The following PLK1 variants were observed in gnomAD, a reference collection of about 807,000 sequenced individuals.
PLK1 encodes polo like kinase 1.
In PLK1, 6 loss-of-function variants were observed where a neutral mutation model predicts 56.7. The observed-to-expected ratio is 0.11, with a 90% CI of 0.06 to 0.21. PLK1 has a LOEUF of 0.21. PLK1 is among the 10% of genes least tolerant of loss of function. PLK1 has a pLI of 1.00. For synonymous variants in PLK1, 298 were observed against 325.0 expected (o/e 0.92, Z 0.89); for missense variants, 546 against 814.4 (o/e 0.67, Z 4.01).
At position 23,690,141 on chromosome 16, in the gene PLK1, T is replaced by C. The variant is rs530916260; in HGVS notation, c.*78T>C. 2 of 1,117,322 alleles carry C rather than the reference T, an allele frequency of 1.8e-6. No individual in the cohort carries two copies. Among genetic ancestry groups the C allele is most frequent in the South Asian group, 2.6e-5 (2 of 77,772 alleles). The allele number at this position is 1,117,322 out of a possible 1,614,324, so 69.2% of individuals were successfully genotyped here. On this transcript the variant is annotated 3_prime_UTR_variant, in exon 10 of 10. Coordinates refer to ENST00000300093, the MANE Select transcript of PLK1 (RefSeq NM_005030.6). ...GGCCCATACTGGTTGGCTCCCGCGG[T>C]GCCATGTCTGCAGTGTGCCCCCCAG...
At chr16:23,683,431 A>G (rs1459418512) in intron 4 of PLK1, among the ~76,000 whole-genome samples, 3 of 152,202 alleles carry the variant, frequency 2.0e-5, no homozygotes, top group African/African-American at 7.2e-5. Flanking sequence ...GGACAGACAT[A>G]GTAAATCCAT....
rs773160919 is a variant in PLK1, at chr16:23,683,829, C to A, written c.817-41C>A. The stretch of plus-strand genomic sequence containing the variant: ...TGAGGCCGTACTGTACTCCAGGTCC[C>A]CTTCACATTCTGCTTATGGCTGTCC... On this transcript the variant is annotated intron_variant, in intron 4 of 9. Coordinates refer to ENST00000300093, the MANE Select transcript of PLK1 (RefSeq NM_005030.6). 19 of 1,491,678 alleles carry A rather than the reference C, an allele frequency of 1.3e-5. No homozygotes were observed. In the East Asian group the frequency reaches 2.3e-4, roughly 18 times the overall value. 92.4% of individuals were successfully genotyped at this position (1,491,678 alleles called of 1,614,324 possible).
chr16:23,683,703 C>G (rs770430163), intron 4 of PLK1, among the ~76,000 whole-genome samples, 167 bp from the exon 5 acceptor site: 16 of 152,156 alleles, frequency 1.1e-4, no homozygotes, highest in South Asian at 8.3e-4. Flanking sequence ...CTCAGTAAAG[C>G]TGACAGTGGA....
At chr16:23,687,752 C>A in intron 6 of PLK1, 128 bp downstream of exon 6, 1 of 590,380 alleles carries the variant, frequency 1.7e-6, no homozygotes. Flanking sequence ...TTGGTTTCCC[C>A]ATTTCCTGAT....
Position 23,679,438 on chromosome 16 carries a change from G to A in PLK1, c.408+98G>A, listed in dbSNP as rs778474349. On this transcript the variant is annotated intron_variant, in intron 1 of 9. Coordinates refer to ENST00000300093, the MANE Select transcript of PLK1 (RefSeq NM_005030.6). ...AGAGTACCCAGCAAGGGAGAGCCTG[G>A]GACTTGGAGCTGCTAGAGAAGGGTG... The A allele has an allele frequency of 8.4e-6, 10 of 1,191,472 alleles. No homozygotes were observed. In the Middle Eastern group the frequency reaches 6.4e-4, roughly 76 times the overall value. 73.8% of individuals were successfully genotyped at this position (1,191,472 alleles called of 1,614,324 possible).
intron 1 of PLK1, chr16:23,679,760 A>G: frequency 3.4e-6 from 1 of 294,776 alleles, no homozygotes; most frequent in Non-Finnish European, 6.4e-6. Context: ...GGGAGATACG[A>G]GTCAGGAAAG....
chr16:23,688,606 T>G lies in PLK1; in HGVS notation c.1193-62T>G. The G allele has an allele frequency of 2.3e-6, 3 of 1,282,884 alleles. No individual in the cohort carries two copies. In the East Asian group the frequency reaches 6.9e-5, roughly 30 times the overall value. 79.5% of individuals were successfully genotyped at this position (1,282,884 alleles called of 1,614,324 possible). Reference sequence around the variant, plus strand: ...CCTGTTCCCTGGTGTGGGCCACATGTGTGGAGCAGAGGGGAAGAGGCTGGT... The same window carrying G: ...CCTGTTCCCTGGTGTGGGCCACATGGGTGGAGCAGAGGGGAAGAGGCTGGT... On this transcript the variant is annotated intron_variant, in intron 6 of 9. Transcript: ENST00000300093.
chr16:23,679,495 T>C, intron 1 of PLK1, 155 bp downstream of exon 1: 1 of 671,656 alleles, frequency 1.5e-6, no homozygotes, highest in East Asian at 2.8e-5. Context: ...ATGGAAAGTG[T>C]CTTTGGTAAG....
At position 23,690,081 on chromosome 16, in the gene PLK1, G is replaced by A. The variant is rs371615853; in HGVS notation, c.*18G>A. ...CCTCCTAATAGCTGCCCTCCCCTCC[G>A]GACTGGTGCCCTCCTCACTCCCACC... On this transcript the variant is annotated 3_prime_UTR_variant, in exon 10 of 10. Coordinates refer to ENST00000300093, the MANE Select transcript of PLK1 (RefSeq NM_005030.6). 1.8e-4 allele frequency: 284 copies of A among 1,588,524 alleles called. 1 individual carries two copies. Among genetic ancestry groups the A allele is most frequent in the Non-Finnish European group, 2.4e-4 (281 of 1,166,284 alleles).
Position 23,689,929 on chromosome 16 carries a change from C to A in PLK1, c.1678C>A (p.Arg560Ser). 1 of 1,614,072 alleles carries A rather than the reference C, an allele frequency of 6.2e-7. No individual in the cohort carries two copies. The highest frequency in any genetic ancestry group is 2.2e-5 in the East Asian group (1 of 44,888). Residue 560 changes from arginine to serine, a missense_variant, in exon 10 of 10, where the codon CGC becomes AGC. Arg to Ser is a moderately radical substitution (Grantham distance 110). Around this residue, in one of 7 missense-constraint regions of PLK1, gnomAD observed 72 missense variants for 77.9 expected, o/e 0.92. Transcript: ENST00000300093. This position sits in a 1 kb window ranked among gnomAD's most constrained non-coding sequence, Gnocchi z 4.8. ...CTACATCGACGAGAAGCGGGACTTC[C>A]GCACATACCGCCTGAGTCTCCTGGA... ...VTYIDEKRDF[R>S]TYRLSLLEEY...
chr16:23,680,081 C>T lies in PLK1; in HGVS notation c.409-3C>T. 1 of 1,612,126 alleles carries T rather than the reference C, an allele frequency of 6.2e-7. No individual in the cohort carries two copies. The highest frequency in any genetic ancestry group is 8.5e-7 in the Non-Finnish European group (1 of 1,178,454). On this transcript the variant is annotated splice_polypyrimidine_tract_variant and splice_region_variant and intron_variant, in intron 1 of 9. Coordinates refer to ENST00000300093, the MANE Select transcript of PLK1 (RefSeq NM_005030.6). ...CCTCCTGCCCTCTCCTTCCCACCCA[C>T]AGTCTCTCCTGGAGCTGCACAAGAG...
At position 23,687,513 on chromosome 16, in the gene PLK1, C is replaced by T. The variant is rs748958860; in HGVS notation, c.1081C>T (p.Pro361Ser). ...LPERPREKEE[P>S]VVRETGEVVD... is the part of the protein sequence containing the mutation. ...TGAGCGTCCCCGGGAAAAAGAAGAA[C>T]CAGTGGTTCGAGAGACAGGTGAGGT... Residue 361 changes from proline to serine, a missense_variant, in exon 6 of 10, where the codon CCA becomes TCA. By Grantham distance (74) the Pro-to-Ser change is moderately conservative. Around this residue, in one of 7 missense-constraint regions of PLK1, gnomAD observed 157 missense variants for 184.0 expected, o/e 0.85. Coordinates refer to ENST00000300093, the MANE Select transcript of PLK1 (RefSeq NM_005030.6). 1 of 1,600,856 alleles carries T rather than the reference C, an allele frequency of 6.2e-7. No homozygotes were observed. The highest frequency in any genetic ancestry group is 1.7e-5 in the Admixed American group (1 of 58,618).
rs1420519119 is a variant in PLK1 at position 23,681,182 on chromosome 16, A to G, written c.722+124A>G. 3 of 818,386 alleles carry G rather than the reference A, an allele frequency of 3.7e-6. No individual in the cohort carries two copies. In the Admixed American group the frequency reaches 7.0e-5, roughly 19 times the overall value. The allele number at this position is 818,386 out of a possible 1,614,324, so 50.7% of individuals were successfully genotyped here. On this transcript the variant is annotated intron_variant, in intron 3 of 9. Coordinates refer to ENST00000300093, the MANE Select transcript of PLK1 (RefSeq NM_005030.6). ...TTACAGAAAGCCTACTCCAAGGGAC[A>G]AGTCATCCCCAAACAAAGCCTAATT...
chr16:23,688,816 G>A, intron 7 of PLK1, 71 bp downstream of exon 7: 2 of 1,086,010 alleles, frequency 1.8e-6, no homozygotes. Flanking sequence ...TACAGACTCT[G>A]GCCTTTTTGA....
intron 5 of PLK1, 80 bp from the exon 6 acceptor site, chr16:23,687,388 AT>A: frequency 1.6e-6 from 2 of 1,223,552 alleles, no homozygotes; most frequent in Non-Finnish European, 2.2e-6. Context: ...AGCTAAGAGA[AT>A]TTTTCTTTCG....
intron 1 of PLK1, 77 bp from the exon 2 acceptor site, chr16:23,680,007 G>C (rs972479588): frequency 9.7e-7 from 1 of 1,026,468 alleles, no homozygotes; most frequent in African/African-American, 1.6e-5. Context: ...TGCTTCCTTT[G>C]CCTGGTAACC....
chr16:23,682,164 A>T lies in PLK1; in HGVS notation c.816+7A>T, dbSNP rs1567239071. 7.1e-7 allele frequency: 1 copy of T among 1,400,808 alleles called. No homozygotes were observed. Among genetic ancestry groups the T allele is most frequent in the East Asian group, 2.3e-5 (1 of 43,858 alleles). 86.8% of individuals were successfully genotyped at this position (1,400,808 alleles called of 1,614,324 possible). On this transcript the variant is annotated splice_region_variant and intron_variant, in intron 4 of 9. Transcript: ENST00000300093. ...TGAATACAGTATTCCCAAGGTGACT[A>T]ATGATGCTTTAAGTTTACATTTATT...
At chr16:23,681,520 T>C (rs1455849537) in intron 3 of PLK1, among the ~76,000 whole-genome samples, 3 of 152,216 alleles carry the variant, frequency 2.0e-5, no homozygotes, top group African/African-American at 4.8e-5. Flanking sequence ...AAAGATGATG[T>C]GCCAGTGGTC....
At chr16:23,679,981 C>G in intron 1 of PLK1, 103 bp from the exon 2 acceptor site, 1 of 746,924 alleles carries the variant, frequency 1.3e-6, no homozygotes, top group Non-Finnish European at 2.2e-6. Flanking sequence ...CCTTGGGAGT[C>G]CAGAGTCCAG....
Sources: allele counts gnomAD v4.1 joint callset (sites outside exome capture counted in the v4.1 genomes callset), GRCh38; gene constraint gnomAD v4.1.1; regional missense constraint gnomAD v4.1.1; non-coding constraint Gnocchi (gnomAD v3.1); transcripts MANE v1.5; gene names NCBI Gene and HGNC (gene_info 2026-07-23, HGNC 2026-07-21).